MYH10: variants seen among roughly 807,000 people sequenced by gnomAD.
MYH10 encodes the protein myosin-10.
Under a neutral mutation model 257.8 loss-of-function variants are expected in MYH10, and 55 were observed. That is an observed-to-expected ratio of 0.21 (90% CI 0.17 to 0.27). The LOEUF is 0.27. Among genes scored for constraint, MYH10 ranks in the 10% least tolerant of loss-of-function variants. MYH10 has a pLI of 1.00. For synonymous variants in MYH10, 854 were observed against 921.7 expected (o/e 0.93, Z 1.33); for missense variants, 1,631 against 2,500.6 (o/e 0.65, Z 7.42).
intron 40 of MYH10, 84 bp downstream of exon 40, chr17:8,480,026 G>GT (rs1913418220): frequency 2.2e-6 from 3 of 1,341,322 alleles, no homozygotes; most frequent in Non-Finnish European, 3.1e-6. Context: ...GTGGTGGGGA[G>GT]CCCCCCCGAA....
intron 17 of MYH10, among the ~76,000 whole-genome samples, chr17:8,524,449 C>CAAAAAAAAAAA (rs541255427): frequency 1.6e-5 from 1 of 62,128 alleles, no homozygotes; most frequent in African/African-American, 6.6e-5. Flanking sequence ...GACTCTGTCT[C>CAAAAAAAAAAA]AAAAAAAAAA....
At chr17:8,489,269 C>T (rs112785478) in intron 35 of MYH10, among the ~76,000 whole-genome samples, 7,684 of 152,272 alleles carry the variant, frequency 0.05, 261 homozygotes, top group Non-Finnish European at 0.078. Context: ...CAACTGCTTC[C>T]CAATTCCTCA....
chr17:8,577,162 C>A, intron 5 of MYH10, 74 bp downstream of exon 5: 1 of 1,222,892 alleles, frequency 8.2e-7, no homozygotes, highest in Non-Finnish European at 1.2e-6. Flanking sequence ...GGAGAGTAGA[C>A]TGGCTTCCTT....
chr17:8,537,007 G>C (rs2082162163), intron 14 of MYH10, among the ~76,000 whole-genome samples: 1 of 152,170 alleles, frequency 6.6e-6, no homozygotes, highest in Non-Finnish European at 1.5e-5. Flanking sequence ...AGTTTTAAAA[G>C]GGTGGATTTC....
intron 37 of MYH10, among the ~76,000 whole-genome samples, chr17:8,483,658 CTTT>C (rs1914252420): frequency 6.6e-6 from 1 of 152,194 alleles, no homozygotes; most frequent in Non-Finnish European, 1.5e-5. Context: ...ATATGCAACA[CTTT>C]ATCAGTCTCT....
At position 8,500,841 on chromosome 17, in the gene MYH10, C is replaced by T. The variant is rs867493883; in HGVS notation, c.3729G>A (p.Leu1243=). 5 of 1,613,370 alleles carry T rather than the reference C, an allele frequency of 3.1e-6. No homozygotes were observed. The Middle Eastern group carries it at 7.2e-4, about 232-fold the overall frequency. Residue 1243 remains leucine, a synonymous_variant, in exon 29 of 43, where the codon CTG becomes CTA. Coordinates refer to ENST00000360416, the MANE Select transcript of MYH10 (RefSeq NM_001256012.3). ...ATALEELSEQ[L]EQAKRFKANL... Reference sequence around the variant, plus strand: ...CCTCCCTTACCCGCTTGGCCTGTTCCAGCTGCTCTGAGAGCTCCTCCAGGG... The same window carrying T: ...CCTCCCTTACCCGCTTGGCCTGTTCTAGCTGCTCTGAGAGCTCCTCCAGGG...
At chr17:8,509,729 C>T in intron 25 of MYH10, 83 bp downstream of exon 25, 1 of 1,287,430 alleles carries the variant, frequency 7.8e-7, no homozygotes, top group Admixed American at 2.8e-5. Flanking sequence ...TGTTTGAGTT[C>T]ACTTTCAATG....
chr17:8,603,195 C>A (rs750135515), intron 3 of MYH10, among the ~76,000 whole-genome samples: 8 of 152,130 alleles, frequency 5.3e-5, no homozygotes, highest in Non-Finnish European at 1.0e-4. Context: ...GTATCATTAT[C>A]CCTCCCAGTT....
At chr17:8,541,129 G>A (rs2082278271) in intron 14 of MYH10, among the ~76,000 whole-genome samples, 1 of 152,024 alleles carries the variant, frequency 6.6e-6, no homozygotes, top group African/African-American at 2.4e-5. Context: ...TCCTCTTCCC[G>A]ATGTGCCACT....
chr17:8,516,856 C>T lies in MYH10; in HGVS notation c.2504+1775G>A, dbSNP rs549033802. On this transcript the variant is annotated intron_variant, in intron 21 of 42. Coordinates refer to ENST00000360416, the MANE Select transcript of MYH10 (RefSeq NM_001256012.3). ...ATCTAAATATTAGTATATAAAAACC[C>T]GGCCGGGCACAGTGGCTCACGCCTG... Among the ~76,000 whole-genome samples, 4 of 152,166 alleles carry T rather than the reference C, an allele frequency of 2.6e-5. 1 individual carries two copies. Among genetic ancestry groups the T allele is most frequent in the South Asian group, 2.1e-4 (1 of 4,814 alleles).
chr17:8,543,523 G>A (rs1482953480), intron 13 of MYH10, among the ~76,000 whole-genome samples: 1 of 146,712 alleles, frequency 6.8e-6, no homozygotes, highest in Non-Finnish European at 1.5e-5. Flanking sequence ...TGCCCAGGCT[G>A]GAGTACAGTG....
rs375472453 is a variant in MYH10, at chr17:8,609,593, A to G, written c.346-4611T>C. Among the ~76,000 whole-genome samples, 12 of 152,348 alleles carry G rather than the reference A, an allele frequency of 7.9e-5. 1 individual carries two copies. The highest frequency in any genetic ancestry group is 6.2e-4 in the South Asian group (3 of 4,832). On this transcript the variant is annotated intron_variant, in intron 2 of 42. Transcript: ENST00000360416. ...AGTCTACGTATTAGGACAGAAATGC[A>G]TAAGAAAAAAAATAGGTGACCAGGG...
At chr17:8,533,278 A>C (rs1209514755) in intron 16 of MYH10, among the ~76,000 whole-genome samples, 1 of 152,090 alleles carries the variant, frequency 6.6e-6, no homozygotes, top group African/African-American at 2.4e-5. Context: ...TCAAGTCCAA[A>C]TTCCACTAGA....
At chr17:8,566,898 G>A (rs2083182646) in intron 7 of MYH10, among the ~76,000 whole-genome samples, 1 of 152,160 alleles carries the variant, frequency 6.6e-6, no homozygotes, top group African/African-American at 2.4e-5. Context: ...TGACGGCTTA[G>A]TAGCAATTTA....
chr17:8,487,703 CTGT>C, intron 35 of MYH10, 109 bp from the exon 36 acceptor site: 1 of 1,240,374 alleles, frequency 8.1e-7, no homozygotes. Flanking sequence ...GTGGAAACTT[CTGT>C]TACTCTGTAG....
Position 8,538,679 on chromosome 17 carries a change from C to T in MYH10, c.1606-2748G>A, listed in dbSNP as rs551353656. On this transcript the variant is annotated intron_variant, in intron 14 of 42. Coordinates refer to ENST00000360416, the MANE Select transcript of MYH10 (RefSeq NM_001256012.3). Reference sequence around the variant, plus strand: ...GGGAATAAAGGGTCCACTCTAAAGGCTGAAGGAAGAGCCTAGAAGTGCCAG... The same window carrying T: ...GGGAATAAAGGGTCCACTCTAAAGGTTGAAGGAAGAGCCTAGAAGTGCCAG... Among the ~76,000 whole-genome samples the T allele has an allele frequency of 3.3e-5, 5 of 152,258 alleles. No homozygotes were observed. In the South Asian group the frequency reaches 1.0e-3, roughly 32 times the overall value.
intron 9 of MYH10, among the ~76,000 whole-genome samples, chr17:8,549,761 C>G (rs529724484): frequency 6.6e-6 from 1 of 152,104 alleles, no homozygotes; most frequent in East Asian, 1.9e-4. Flanking sequence ...CGAGGCTGGA[C>G]TGTGCTGCTG....
intron 17 of MYH10, among the ~76,000 whole-genome samples, chr17:8,525,454 G>A (rs2081811298): frequency 6.6e-6 from 1 of 152,370 alleles, no homozygotes; most frequent in African/African-American, 2.4e-5. Context: ...AGCCCCAGAT[G>A]TTGGCCGGTG....
intron 2 of MYH10, among the ~76,000 whole-genome samples, chr17:8,619,836 G>C (rs1318751375): frequency 1.3e-5 from 2 of 152,030 alleles, no homozygotes; most frequent in Non-Finnish European, 2.9e-5. Flanking sequence ...TGAGGCAGGA[G>C]AATCACTTGA....
Sources: gnomAD v4.1 joint callset for allele counts (sites outside exome capture counted in the v4.1 genomes callset) on GRCh38, gnomAD v4.1.1 for gene constraint, MANE v1.5 for transcripts, NCBI Gene and HGNC (gene_info 2026-07-23, HGNC 2026-07-21) for gene names.